Variants in MNAT1 observed in about 807,000 individuals in gnomAD.
MNAT1 encodes the protein CDK-activating kinase assembly factor MAT1.
MNAT1 carries 43 observed loss-of-function variants against 42.0 expected under a neutral mutation model. The ratio of observed to expected loss-of-function variants is 1.02; its 90% CI spans 0.80 to 1.32. MNAT1 has a LOEUF of 1.32. Ranked by LOEUF, MNAT1 falls within the 40% of genes most tolerant of loss-of-function variation. The pLI is 0.00. For synonymous variants in MNAT1, 118 were observed against 120.0 expected, an observed-to-expected ratio of 0.98 and a Z score of 0.11; for missense variants, 306 against 350.4, an observed-to-expected ratio of 0.87 and a Z score of 1.01.
intron 7 of MNAT1, among the ~76,000 whole-genome samples, chr14:60,943,052 G>A (rs1363336626): frequency 1.2e-4 from 1 of 8,284 alleles, no homozygotes; most frequent in Non-Finnish European, 3.5e-4. Flanking sequence ...GTGTGTGTGC[G>A]CTTTTTTTTT....
chr14:60,778,161 T>C (rs2031319445), intron 1 of MNAT1, among the ~76,000 whole-genome samples: 5 of 152,192 alleles, frequency 3.3e-5, no homozygotes, highest in Admixed American at 3.3e-4. Context: ...TATGAAGAAT[T>C]ATTGGTCAGA....
At chr14:60,735,255 AC>A (rs1048176792) in intron 1 of MNAT1, among the ~76,000 whole-genome samples, 1 of 152,190 alleles carries the variant, frequency 6.6e-6, no homozygotes, top group African/African-American at 2.4e-5. Context: ...TGGGCTCTGG[AC>A]ATCGCTGATT....
At chr14:60,749,135 T>G (rs1174302281) in intron 1 of MNAT1, among the ~76,000 whole-genome samples, 1 of 152,218 alleles carries the variant, frequency 6.6e-6, no homozygotes, top group Non-Finnish European at 1.5e-5. Flanking sequence ...TATATAGTTT[T>G]GAATTTTGGA....
intron 7 of MNAT1, among the ~76,000 whole-genome samples, chr14:60,937,400 A>T (rs944153275): frequency 1.1e-3 from 165 of 152,216 alleles, no homozygotes; most frequent in Non-Finnish European, 1.9e-3. Flanking sequence ...AATTAATTTT[A>T]GTATAAGGTG....
At chr14:60,754,457 G>A (rs1206802658) in intron 1 of MNAT1, among the ~76,000 whole-genome samples, 1 of 150,548 alleles carries the variant, frequency 6.6e-6, no homozygotes, top group East Asian at 2.0e-4. Context: ...AAGCGATTCT[G>A]CTGTCTCGCT....
At chr14:60,791,339 C>T (rs542994652) in intron 1 of MNAT1, among the ~76,000 whole-genome samples, 1 of 152,096 alleles carries the variant, frequency 6.6e-6, no homozygotes, top group Non-Finnish European at 1.5e-5. Flanking sequence ...ACTATCTCTT[C>T]ATAATGTTTT....
chr14:60,835,327 GT>G (rs2033361684), intron 6 of MNAT1, among the ~76,000 whole-genome samples: 1 of 152,138 alleles, frequency 6.6e-6, no homozygotes, highest in South Asian at 2.1e-4. Context: ...TAGTTGAGCA[GT>G]TTCTTCATAG....
intron 1 of MNAT1, among the ~76,000 whole-genome samples, chr14:60,776,260 T>C (rs2031245900): frequency 6.6e-6 from 1 of 151,490 alleles, no homozygotes. Context: ...AAGGATAGAG[T>C]AGTGGTATTT....
At chr14:60,963,392 T>G (rs2036630940) in intron 7 of MNAT1, among the ~76,000 whole-genome samples, 2 of 152,354 alleles carry the variant, frequency 1.3e-5, no homozygotes, top group South Asian at 2.1e-4. Context: ...ATAAACAGTT[T>G]GTCTATTATT....
chr14:60,933,314 C>T (rs537419675), intron 7 of MNAT1, among the ~76,000 whole-genome samples: 33 of 151,862 alleles, frequency 2.2e-4, no homozygotes, highest in Non-Finnish European at 4.3e-4. Flanking sequence ...GTTGTATTGC[C>T]GTTCTTCCGT....
intron 7 of MNAT1, among the ~76,000 whole-genome samples, chr14:60,911,605 T>C (rs1291486896): frequency 6.6e-6 from 1 of 152,226 alleles, no homozygotes; most frequent in East Asian, 1.9e-4. Context: ...GAGCAGGTTG[T>C]TCAGTTTCCA....
chr14:60,944,570 A>G (rs904039301), intron 7 of MNAT1, among the ~76,000 whole-genome samples: 2 of 152,218 alleles, frequency 1.3e-5, no homozygotes, highest in Non-Finnish European at 2.9e-5. Flanking sequence ...GAAGTAGACA[A>G]ATAGACTATT....
chr14:60,808,119 A>T (rs921679257), intron 3 of MNAT1, among the ~76,000 whole-genome samples: 3 of 152,080 alleles, frequency 2.0e-5, no homozygotes. Flanking sequence ...TGCGAGTCAG[A>T]CAGTCTGTCC....
intron 7 of MNAT1, among the ~76,000 whole-genome samples, chr14:60,895,789 A>G (rs2034945090): frequency 6.6e-6 from 1 of 152,172 alleles, no homozygotes; most frequent in South Asian, 2.1e-4. Flanking sequence ...AAAACAAAAC[A>G]AAAGAAATCA....
At chr14:60,879,665 A>AT (rs2034505499) in intron 6 of MNAT1, 49 bp from the exon 7 acceptor site, 4 of 1,510,776 alleles carry the variant, frequency 2.6e-6, no homozygotes, top group Non-Finnish European at 3.6e-6. Context: ...ATAAGTAGCA[A>AT]TATGAAAATA....
intron 6 of MNAT1, among the ~76,000 whole-genome samples, chr14:60,828,833 T>C (rs2033136543): frequency 6.6e-6 from 1 of 152,164 alleles, no homozygotes; most frequent in African/African-American, 2.4e-5. Context: ...GAAACACTTA[T>C]GTCTACTGAT....
At chr14:60,807,409 G>T (rs2032406844) in intron 3 of MNAT1, among the ~76,000 whole-genome samples, 2 of 152,080 alleles carry the variant, frequency 1.3e-5, no homozygotes, top group Admixed American at 6.6e-5. Context: ...AGGGCAAGAA[G>T]CAGGAAGCAG....
At chr14:60,791,714 T>A (rs1021544185) in intron 1 of MNAT1, among the ~76,000 whole-genome samples, 1 of 152,198 alleles carries the variant, frequency 6.6e-6, no homozygotes, top group African/African-American at 2.4e-5. Flanking sequence ...AAGTCTCTAC[T>A]TTTATTAAGA....
intron 5 of MNAT1, among the ~76,000 whole-genome samples, chr14:60,816,796 G>T (rs1046279683): frequency 6.6e-6 from 1 of 151,966 alleles, no homozygotes; most frequent in African/African-American, 2.4e-5. Context: ...AGGCTTCCAG[G>T]CTTCAAAATT....
Sources: allele counts gnomAD v4.1 joint callset (sites outside exome capture counted in the v4.1 genomes callset), GRCh38; gene constraint gnomAD v4.1.1; transcripts MANE v1.5; gene names NCBI Gene and HGNC (gene_info 2026-07-23, HGNC 2026-07-21).